Variants in NCLN observed in about 807,000 individuals in gnomAD.
NCLN encodes the protein nicalin.
In NCLN, 34 loss-of-function variants were observed where a neutral mutation model predicts 69.5. The observed-to-expected ratio is 0.49, with a 90% CI of 0.37 to 0.65. The LOEUF is 0.65. Among genes scored for constraint, NCLN ranks in the 30% least tolerant of loss-of-function variants. The pLI is 0.00. For missense variants in NCLN, 710 were observed against 804.8 expected, an observed-to-expected ratio of 0.88 and a Z score of 1.42; for synonymous variants, 393 against 358.3, an observed-to-expected ratio of 1.10 and a Z score of -1.09.
At chr19:3,200,106 C>A (rs928581841) in intron 5 of NCLN, among the ~76,000 whole-genome samples, 2 of 152,000 alleles carry the variant, frequency 1.3e-5, no homozygotes, top group Non-Finnish European at 2.9e-5. Context: ...AGGCCCCCAG[C>A]CTTGAGAATG....
intron 4 of NCLN, among the ~76,000 whole-genome samples, chr19:3,197,566 C>G (rs1227336266): frequency 6.6e-6 from 1 of 151,070 alleles, no homozygotes; most frequent in Non-Finnish European, 1.5e-5. Context: ...CTCGGCCTCC[C>G]GAGTAGCTGG....
intron 1 of NCLN, among the ~76,000 whole-genome samples, chr19:3,191,446 G>T (rs533216709): frequency 6.6e-6 from 1 of 152,192 alleles, no homozygotes; most frequent in Non-Finnish European, 1.5e-5. Flanking sequence ...AGCCCAAGCT[G>T]CTGAGCCTTC....
chr19:3,206,110 G>A (rs2144919623), intron 10 of NCLN, 42 bp from the exon 11 acceptor site: 1 of 1,559,168 alleles, frequency 6.4e-7, no homozygotes, highest in Non-Finnish European at 8.7e-7. Context: ...CAGCCCCACT[G>A]CAGGGGCCTG....
intron 12 of NCLN, 47 bp downstream of exon 12, chr19:3,206,472 G>T: frequency 6.6e-7 from 1 of 1,516,254 alleles, no homozygotes; most frequent in Non-Finnish European, 8.9e-7. Context: ...GGGGCCGAGG[G>T]GGACCTCCCC....
chr19:3,204,247 A>C, intron 8 of NCLN, 103 bp downstream of exon 8: 2 of 1,316,088 alleles, frequency 1.5e-6, no homozygotes, highest in Non-Finnish European at 2.0e-6. Context: ...TCCGCCCCTC[A>C]GGCTCTGAGG....
chr19:3,199,047 G>A, intron 5 of NCLN, 150 bp downstream of exon 5: 3 of 516,284 alleles, frequency 5.8e-6, no homozygotes, highest in Non-Finnish European at 9.5e-6. Flanking sequence ...GTCCCCGCGA[G>A]GGCCTCAGGG....
intron 8 of NCLN, among the ~76,000 whole-genome samples, chr19:3,204,360 G>A (rs558149916): frequency 6.6e-6 from 1 of 152,228 alleles, no homozygotes; most frequent in African/African-American, 2.4e-5. Flanking sequence ...CCGGGCTGGG[G>A]TGTCCTGTCC....
intron 1 of NCLN, among the ~76,000 whole-genome samples, chr19:3,191,063 C>G (rs1024026718): frequency 6.7e-6 from 1 of 150,098 alleles, no homozygotes; most frequent in Admixed American, 6.7e-5. Flanking sequence ...GGGAGATCGT[C>G]GCGGTGTGTG....
In NCLN at chr19:3,201,638, G is replaced by C. The variant is rs1334079989; in HGVS notation, c.800+12G>C. 3 of 1,527,516 alleles carry C rather than the reference G, an allele frequency of 2.0e-6. No homozygotes were observed. The highest frequency in any genetic ancestry group is 4.9e-5 in the East Asian group (2 of 41,020). The allele number at this position is 1,527,516 out of a possible 1,614,324, so 94.6% of individuals were successfully genotyped here. Reference sequence around the variant, plus strand: ...CGCACGCACGCCGCGTGAGTGCCGGGGTGGGCAGGGGGATGGGGGTGCGGG... The same window carrying C: ...CGCACGCACGCCGCGTGAGTGCCGGCGTGGGCAGGGGGATGGGGGTGCGGG... On this transcript the variant is annotated intron_variant, in intron 6 of 14. Coordinates refer to ENST00000246117, the MANE Select transcript of NCLN (RefSeq NM_020170.4).
chr19:3,207,874 T>C lies in NCLN; in HGVS notation c.*186T>C. 1.7e-6 allele frequency: 1 copy of C among 589,184 alleles called. No homozygotes were observed. Among genetic ancestry groups the C allele is most frequent in the South Asian group, 2.1e-5 (1 of 46,622 alleles). 36.5% of individuals were successfully genotyped at this position (589,184 alleles called of 1,614,324 possible). A position where few individuals can be genotyped will look rare whatever the true frequency, so the allele number is the denominator to read the frequency against. The stretch of plus-strand genomic sequence containing the variant: ...GCTCTCCGAGACTGGGGGGGGATTG[T>C]TTCTTCTTTTCCTTGTCTTTGAACT... On this transcript the variant is annotated 3_prime_UTR_variant, in exon 15 of 15. Coordinates refer to ENST00000246117, the MANE Select transcript of NCLN (RefSeq NM_020170.4).
At chr19:3,189,657 G>C (rs753273974) in intron 1 of NCLN, among the ~76,000 whole-genome samples, 13 of 152,246 alleles carry the variant, frequency 8.5e-5, no homozygotes, top group Non-Finnish European at 1.3e-4. Flanking sequence ...TCAGACGCGG[G>C]TCTGAGGGAG....
At chr19:3,202,263 TC>T (rs1916145491) in intron 6 of NCLN, among the ~76,000 whole-genome samples, 1 of 152,198 alleles carries the variant, frequency 6.6e-6, no homozygotes, top group South Asian at 2.1e-4. Flanking sequence ...CCCTGGTTTA[TC>T]CCGTCTACCC....
chr19:3,194,397 T>C (rs1915906015), intron 3 of NCLN, among the ~76,000 whole-genome samples: 1 of 152,104 alleles, frequency 6.6e-6, no homozygotes, highest in South Asian at 2.1e-4. Context: ...AAAAAAAAGT[T>C]TCATCCTACA....
chr19:3,206,549 GA>G (rs1181961147), intron 12 of NCLN, 124 bp downstream of exon 12: 2 of 1,277,934 alleles, frequency 1.6e-6, no homozygotes, highest in Non-Finnish European at 2.1e-6. Context: ...GAGAGGGTGG[GA>G]TGAGGGCCGG....
At chr19:3,192,310 C>T (rs1915846421) in intron 1 of NCLN, among the ~76,000 whole-genome samples, 160 bp from the exon 2 acceptor site, 1 of 152,130 alleles carries the variant, frequency 6.6e-6, no homozygotes, top group African/African-American at 2.4e-5. Context: ...ATGTCGGGGG[C>T]AGGCTGGGGG....
At chr19:3,190,824 G>C (rs899127802) in intron 1 of NCLN, among the ~76,000 whole-genome samples, 1 of 152,136 alleles carries the variant, frequency 6.6e-6, no homozygotes, top group Non-Finnish European at 1.5e-5. Flanking sequence ...CTTGTGCAGC[G>C]CTGAGATGTT....
At chr19:3,206,221 T>TGGGC in intron 11 of NCLN, 31 bp downstream of exon 11, 5 of 203,776 alleles carry the variant, frequency 2.5e-5, no homozygotes, top group African/African-American at 1.5e-4. Context: ...GGTGGGTGGG[T>TGGGC]GGGCGGGGCC....
chr19:3,201,775 A>G, intron 6 of NCLN, 149 bp downstream of exon 6: 2 of 663,958 alleles, frequency 3.0e-6, no homozygotes, highest in East Asian at 2.9e-5. Flanking sequence ...TTATTTATCG[A>G]GGGCTAAGCT....
intron 1 of NCLN, among the ~76,000 whole-genome samples, chr19:3,188,747 G>A (rs1265384734): frequency 1.3e-5 from 2 of 152,244 alleles, no homozygotes; most frequent in African/African-American, 4.8e-5. Context: ...GGGCTCCCGG[G>A]GTGAGCGGAG....
Sources: gnomAD v4.1 joint callset for allele counts (sites outside exome capture counted in the v4.1 genomes callset) on GRCh38, gnomAD v4.1.1 for gene constraint, MANE v1.5 for transcripts, NCBI Gene and HGNC (gene_info 2026-07-23, HGNC 2026-07-21) for gene names.